DHX30: variants seen among roughly 807,000 people sequenced by gnomAD.
The protein encoded by DHX30 is DExH-box helicase 30.
In DHX30, 4 loss-of-function variants were observed where a neutral mutation model predicts 116.9. That is an observed-to-expected ratio of 0.03 (90% CI 0.02 to 0.08). The LOEUF is 0.08. Ranked by LOEUF, DHX30 falls within the 10% of genes least tolerant of loss-of-function variation. The pLI is 1.00. For synonymous variants in DHX30, 697 were observed against 651.7 expected (o/e 1.07, Z -1.06); for missense variants, 871 against 1,595.1 (o/e 0.55, Z 7.73).
At chr3:47,816,893 A>G in intron 3 of DHX30, 1 of 978,454 alleles carries the variant, frequency 1.0e-6, no homozygotes, top group Non-Finnish European at 1.2e-6. Context: ...TTGATTCTCT[A>G]TAGGTATAGG....
At chr3:47,808,440 A>G (rs145632807) in intron 2 of DHX30, among the ~76,000 whole-genome samples, 1 of 148,846 alleles carries the variant, frequency 6.7e-6, no homozygotes, top group Admixed American at 6.7e-5. Context: ...CTGGTCTTGA[A>G]CTCCTGGTCT....
rs763406572 is a variant in DHX30 at position 47,849,899 on chromosome 3, G to A, written c.3364G>A (p.Asp1122Asn). The change falls in exon 22 of 22, where the codon GAC becomes AAC. Residue 1122 changes from aspartate to asparagine, a missense_variant. Asp to Asn is a conservative substitution (Grantham distance 23). Around this residue, in one of 13 missense-constraint regions of DHX30, gnomAD observed 238 missense variants for 481.0 expected, o/e 0.49. Coordinates refer to ENST00000445061, the MANE Select transcript of DHX30 (RefSeq NM_138615.3). ...GCGCCGGGCCACCATCTCACTGAGC[G>A]ACAGTGACCTGCTGCGGCTGGAGGG... Reference protein sequence around the residue: ...DGRRATISLSDSDLLRLEGDS... With the variant: ...DGRRATISLSNSDLLRLEGDS... The A allele has an allele frequency of 5.0e-6, 8 of 1,613,368 alleles. No homozygotes were observed. The highest frequency in any genetic ancestry group is 5.9e-6 in the Non-Finnish European group (7 of 1,179,754).
intron 9 of DHX30, among the ~76,000 whole-genome samples, chr3:47,843,645 T>C (rs1200760871): frequency 6.6e-6 from 1 of 152,172 alleles, no homozygotes; most frequent in Non-Finnish European, 1.5e-5. Flanking sequence ...GACTTGTGAC[T>C]GCAGTGATGA....
In DHX30 at chr3:47,818,027, G is replaced by T; in HGVS notation, c.34G>T (p.Ala12Ser). The T allele has an allele frequency of 1.3e-6, 1 of 781,038 alleles. No individual in the cohort carries two copies. The allele number at this position is 781,038 out of a possible 1,614,324, so 48.4% of individuals were successfully genotyped here. A position where few individuals can be genotyped will look rare whatever the true frequency, so the allele number is the denominator to read the frequency against. Residue 12 changes from alanine (A) to serine (S), a missense_variant, in exon 4 of 22, where the codon GCC (alanine) becomes TCC (serine). Coordinates refer to ENST00000445061, the MANE Select transcript of DHX30 (RefSeq NM_138615.3). ...TGCCCTCTCTCTTTCCCCAGATCGG[G>T]CCCAGCACAGGCAGCGTCAGTGCAA... ...FSLDSFRKDRAQHRQRQCKLP... is the reference protein window; with the variant it reads ...FSLDSFRKDRSQHRQRQCKLP...
At chr3:47,845,916 G>T in intron 10 of DHX30, 64 bp downstream of exon 10, 1 of 1,540,624 alleles carries the variant, frequency 6.5e-7, no homozygotes. Flanking sequence ...TCTCCAGACT[G>T]AAGGCCTCCA....
chr3:47,814,569 T>C (rs924965964), intron 3 of DHX30, among the ~76,000 whole-genome samples: 1 of 152,030 alleles, frequency 6.6e-6, no homozygotes, highest in African/African-American at 2.4e-5. Flanking sequence ...CTGGACAGCA[T>C]TGGGAGACCC....
At chr3:47,849,582 A>C in intron 20 of DHX30, 28 bp downstream of exon 20, 1 of 1,613,970 alleles carries the variant, frequency 6.2e-7, no homozygotes, top group Non-Finnish European at 8.5e-7. Flanking sequence ...TGGATGGGGC[A>C]GCTGGGATGG....
At chr3:47,837,322 G>T (rs1293871388) in intron 6 of DHX30, among the ~76,000 whole-genome samples, 2 of 152,226 alleles carry the variant, frequency 1.3e-5, no homozygotes, top group Non-Finnish European at 2.9e-5. Context: ...TCCTGTGGCT[G>T]CCAGGGCTTC....
chr3:47,832,232 C>G (rs13077230), intron 6 of DHX30, among the ~76,000 whole-genome samples: 91,596 of 151,882 alleles, frequency 0.6, 28,985 homozygotes, highest in East Asian at 0.72. Flanking sequence ...TGTATCCCCA[C>G]AGTGCTCTGT....
intron 6 of DHX30, among the ~76,000 whole-genome samples, chr3:47,831,475 G>C (rs1193765832): frequency 2.0e-5 from 3 of 152,040 alleles, no homozygotes; most frequent in African/African-American, 7.2e-5. Context: ...GCCCTTTTCT[G>C]TGTCTCTTCT....
intron 6 of DHX30, among the ~76,000 whole-genome samples, chr3:47,839,576 G>T (rs2037272868): frequency 6.6e-6 from 1 of 152,070 alleles, no homozygotes; most frequent in Non-Finnish European, 1.5e-5. Flanking sequence ...TTACATGCGT[G>T]AGCCACCGTG....
At chr3:47,841,508 C>T (rs1240779777) in intron 7 of DHX30, 109 bp from the exon 8 acceptor site, 17 of 1,490,560 alleles carry the variant, frequency 1.1e-5, no homozygotes, top group Non-Finnish European at 1.5e-5. Flanking sequence ...GCCTTCTGCC[C>T]TTCTGGCTCC....
chr3:47,846,319 G>T lies in DHX30; in HGVS notation c.1247G>T (p.Ser416Ile). 2 of 1,614,228 alleles carry T rather than the reference G, an allele frequency of 1.2e-6. No individual in the cohort carries two copies. The highest frequency in any genetic ancestry group is 1.7e-6 in the Non-Finnish European group (2 of 1,180,050). ...LEAEEVRLSQ[S>I]LLELWRRRGP... is the part of the protein sequence containing the mutation. ...GCAGAGGAGGTACGTCTCAGCCAGA[G>T]TCTGCTAGAACTGTGGCGGCGGCGA... The change falls in exon 11 of 22, where the codon AGT (serine) becomes ATT (isoleucine). Residue 416 changes from serine to isoleucine, a missense_variant. Around this residue, in one of 13 missense-constraint regions of DHX30, gnomAD observed 175 missense variants for 292.9 expected, o/e 0.60. Coordinates refer to ENST00000445061, the MANE Select transcript of DHX30 (RefSeq NM_138615.3).
At position 47,841,096 on chromosome 3, in the gene DHX30, G is replaced by C; in HGVS notation, c.586G>C (p.Glu196Gln). Reference protein sequence around the residue: ...GREEEEDEEEELEEGTIDVTD... With the variant: ...GREEEEDEEEQLEEGTIDVTD... ...GGAAGAAGAGGAGGACGAGGAGGAA[G>C]AGCTAGAAGAAGGGACCATAGATGT... Residue 196 changes from glutamate (E) to glutamine (Q), a missense_variant, in exon 7 of 22, where the codon GAG becomes CAG. Glu to Gln is a conservative substitution (Grantham distance 29, BLOSUM62 2). Coordinates refer to ENST00000445061, the MANE Select transcript of DHX30 (RefSeq NM_138615.3). 6.2e-7 allele frequency: 1 copy of C among 1,614,220 alleles called. No individual in the cohort carries two copies. Among genetic ancestry groups the C allele is most frequent in the Non-Finnish European group, 8.5e-7 (1 of 1,180,038 alleles).
chr3:47,827,790 G>A (rs1346530184), intron 5 of DHX30, among the ~76,000 whole-genome samples: 1 of 152,132 alleles, frequency 6.6e-6, no homozygotes. Context: ...TGCCCTTACA[G>A]TCTTATAGAT....
intron 1 of DHX30, among the ~76,000 whole-genome samples, chr3:47,803,450 C>CG (rs896856393): frequency 6.6e-6 from 1 of 152,034 alleles, no homozygotes; most frequent in Non-Finnish European, 1.5e-5. Flanking sequence ...CGGGCGGGGG[C>CG]GGGGGCCAGA....
chr3:47,842,395 C>G (rs1054247619), intron 8 of DHX30: 1 of 152,728 alleles, frequency 6.5e-6, no homozygotes, highest in Non-Finnish European at 1.5e-5. Flanking sequence ...TCGTGTCTGG[C>G]GTAGACCCTA....
chr3:47,803,676 G>GC (rs1325458641), intron 1 of DHX30, among the ~76,000 whole-genome samples: 1 of 152,194 alleles, frequency 6.6e-6, no homozygotes, highest in Non-Finnish European at 1.5e-5. Context: ...GTGCCTTCTG[G>GC]CCCCCCTAGT....
intron 6 of DHX30, among the ~76,000 whole-genome samples, 182 bp downstream of exon 6, chr3:47,829,316 T>TATATATATA (rs139342520): frequency 6.9e-4 from 23 of 33,246 alleles, no homozygotes; most frequent in East Asian, 1.7e-3. Flanking sequence ...ATATATATAT[T>TATATATATA]TTTTTTTTTT....
Sources: gnomAD v4.1 joint callset for allele counts (sites outside exome capture counted in the v4.1 genomes callset) on GRCh38, gnomAD v4.1.1 for gene constraint, gnomAD v4.1.1 regional missense constraint, MANE v1.5 for transcripts, NCBI Gene and HGNC (gene_info 2026-07-23, HGNC 2026-07-21) for gene names.